Variants in DPYD observed in about 807,000 individuals in gnomAD.
The protein encoded by DPYD is dihydropyrimidine dehydrogenase [NADP(+)].
A neutral mutation model predicts 116.2 loss-of-function variants in DPYD; 109 were observed. The ratio of observed to expected loss-of-function variants is 0.94; its 90% confidence interval spans 0.80 to 1.10. The LOEUF is 1.10. Ranked by LOEUF, DPYD falls within the 50% of genes least tolerant of loss-of-function variation. The pLI, the probability that DPYD is intolerant of heterozygous loss-of-function variation, is 0.00. For synonymous variants in DPYD, 440 were observed against 432.0 expected, an observed-to-expected ratio of 1.02 and a Z score of -0.23; for missense variants, 1,302 against 1,254.5, an observed-to-expected ratio of 1.04 and a Z score of -0.57.
In DPYD at chr1:97,554,314, G is replaced by C. The variant is rs377616969; in HGVS notation, c.1340-4570C>G. Among the ~76,000 whole-genome samples, 4 of 151,984 alleles carry C rather than the reference G, an allele frequency of 2.6e-5. No homozygotes were observed. In the South Asian group the frequency reaches 6.2e-4, roughly 24 times the overall value. On this transcript the variant is annotated intron_variant, in intron 11 of 22. Coordinates refer to ENST00000370192, the MANE Select transcript of DPYD (RefSeq NM_000110.4). ...AAGATGTCAAGAATGTTATATTTTAGTACACAAATATAAATTAATTCTCCA... is the reference window on the plus strand; with the variant it reads ...AAGATGTCAAGAATGTTATATTTTACTACACAAATATAAATTAATTCTCCA...
In DPYD at chr1:97,193,230, T is replaced by C; in HGVS notation, c.2461A>G (p.Asn821Asp). ...SVLQVCSAIQ[N>D]QDFTVIEDYC... ...TCTTCGATCACAGTGAAATCCTGAT[T>C]CTGAATGGCACTGCATACCTAGAAA... is the stretch of plus-strand genomic sequence containing the variant. Residue 821 changes from asparagine to aspartate, a missense_variant, in exon 20 of 23, where the codon AAT becomes GAT. Transcript: ENST00000370192. The C allele has an allele frequency of 6.2e-7, 1 of 1,613,706 alleles. No individual in the cohort carries two copies. The highest frequency in any genetic ancestry group is 8.5e-7 in the Non-Finnish European group (1 of 1,179,846).
chr1:97,195,648 A>G (rs4949944), intron 19 of DPYD, among the ~76,000 whole-genome samples: 532 of 10,412 alleles, frequency 0.051, 36 homozygotes, highest in East Asian at 0.14. Flanking sequence ...ATATATATAT[A>G]TATATATATA....
At chr1:97,191,627 C>T (rs977412107) in intron 20 of DPYD, among the ~76,000 whole-genome samples, 2 of 152,012 alleles carry the variant, frequency 1.3e-5, no homozygotes, top group African/African-American at 2.4e-5. Context: ...AGTTTTGAAA[C>T]GAGTGTGAAA....
Position 97,696,901 on chromosome 1 carries a change from A to G in DPYD, c.680+2450T>C, listed in dbSNP as rs17117078. On this transcript the variant is annotated intron_variant, in intron 6 of 22. Transcript: ENST00000370192. Reference sequence around the variant, plus strand: ...TCATTTCTCTTTATTGTCAATCAACAAGAAAAACAATAGGCCTAATGAAAA... The same window carrying G: ...TCATTTCTCTTTATTGTCAATCAACGAGAAAAACAATAGGCCTAATGAAAA... Among the ~76,000 whole-genome samples the G allele has an allele frequency of 1.2e-3, 180 of 152,266 alleles. 2 individuals carry two copies. Among genetic ancestry groups the G allele is most frequent in the African/African-American group, 4.0e-3 (168 of 41,572 alleles).
intron 12 of DPYD, among the ~76,000 whole-genome samples, chr1:97,536,595 C>A (rs956730890): frequency 6.6e-6 from 1 of 152,158 alleles, no homozygotes; most frequent in African/African-American, 2.4e-5. Context: ...CATTTTTATT[C>A]TTTAAGTGCA....
intron 7 of DPYD, among the ~76,000 whole-genome samples, chr1:97,686,960 A>T (rs1245366173): frequency 6.6e-6 from 1 of 152,038 alleles, no homozygotes; most frequent in Non-Finnish European, 1.5e-5. Context: ...CAAGAAAAAA[A>T]CCAACCCCAT....
At chr1:97,727,500 T>C (rs61033129) in intron 4 of DPYD, among the ~76,000 whole-genome samples, 10,046 of 151,620 alleles carry the variant, frequency 0.066, 385 homozygotes, top group Middle Eastern at 0.11. Context: ...AAATATTGAA[T>C]AGATGATGTG....
At position 97,621,697 on chromosome 1, in the gene DPYD, C is replaced by A. The variant is rs371152571; in HGVS notation, c.851-26531G>T. Among the ~76,000 whole-genome samples the A allele has an allele frequency of 2.0e-5, 3 of 152,004 alleles. No individual in the cohort carries two copies. The East Asian group carries it at 5.8e-4, about 30-fold the overall frequency. Reference sequence around the variant, plus strand: ...AGATCTTGATTTCTAATACCATTATCCAATAAAAGAAATCAGGGCCCCCTT... The same window carrying A: ...AGATCTTGATTTCTAATACCATTATACAATAAAAGAAATCAGGGCCCCCTT... On this transcript the variant is annotated intron_variant, in intron 8 of 22. Transcript: ENST00000370192.
chr1:97,140,241 C>T (rs562255674), intron 20 of DPYD, among the ~76,000 whole-genome samples: 52 of 151,910 alleles, frequency 3.4e-4, no homozygotes, highest in Non-Finnish European at 7.2e-4. Flanking sequence ...GTGAGGGTTC[C>T]CTGATAGTAG....
chr1:97,263,947 T>C (rs1164059671), intron 18 of DPYD, among the ~76,000 whole-genome samples: 1 of 152,076 alleles, frequency 6.6e-6, no homozygotes, highest in Non-Finnish European at 1.5e-5. Flanking sequence ...TTTTAATATA[T>C]GTCAAGTACT....
chr1:97,911,720 T>C (rs150656939), intron 1 of DPYD, among the ~76,000 whole-genome samples: 16 of 152,218 alleles, frequency 1.1e-4, no homozygotes, highest in Non-Finnish European at 1.5e-4. Context: ...AGTGGTTTGT[T>C]CTTGGGGTGA....
intron 11 of DPYD, among the ~76,000 whole-genome samples, chr1:97,560,463 T>A (rs1317860244): frequency 1.3e-5 from 2 of 150,172 alleles, no homozygotes; most frequent in Admixed American, 1.3e-4. Flanking sequence ...GGCAAAGACA[T>A]AAGACAGTGT....
intron 16 of DPYD, among the ~76,000 whole-genome samples, chr1:97,332,856 G>T (rs1029241146): frequency 1.3e-5 from 2 of 152,112 alleles, no homozygotes; most frequent in African/African-American, 2.4e-5. Context: ...TGGTTGTAAA[G>T]AACATATTAA....
intron 5 of DPYD, among the ~76,000 whole-genome samples, chr1:97,699,986 T>C (rs898220698): frequency 4.6e-5 from 7 of 152,118 alleles, no homozygotes; most frequent in African/African-American, 1.7e-4. Flanking sequence ...TGGCACACGG[T>C]AGACATTTAA....
intron 2 of DPYD, among the ~76,000 whole-genome samples, chr1:97,871,800 T>C (rs551005915): frequency 6.6e-6 from 1 of 151,960 alleles, no homozygotes; most frequent in East Asian, 1.9e-4. Flanking sequence ...GGTTTTTCCA[T>C]ATACATTGTT....
At chr1:97,734,539 T>A (rs76465606) in intron 4 of DPYD, among the ~76,000 whole-genome samples, 1 of 152,154 alleles carries the variant, frequency 6.6e-6, no homozygotes, top group African/African-American at 2.4e-5. Flanking sequence ...TCCTACAAAA[T>A]CTCTGGGTTT....
intron 14 of DPYD, among the ~76,000 whole-genome samples, chr1:97,443,478 T>C (rs1020601705): frequency 1.3e-5 from 2 of 152,154 alleles, no homozygotes; most frequent in Non-Finnish European, 2.9e-5. Context: ...GTTTCCTAAT[T>C]TATTTAAAAT....
At chr1:97,119,754 C>T (rs1308439467) in intron 20 of DPYD, among the ~76,000 whole-genome samples, 2 of 152,158 alleles carry the variant, frequency 1.3e-5, no homozygotes, top group African/African-American at 4.8e-5. Context: ...GAAAACAAAA[C>T]CCTCTACCAC....
intron 13 of DPYD, among the ~76,000 whole-genome samples, chr1:97,486,555 C>T (rs1404701237): frequency 6.6e-6 from 1 of 152,092 alleles, no homozygotes; most frequent in Admixed American, 6.5e-5. Context: ...GAGACTGTTA[C>T]TCATTTCATA....
Sources: allele counts gnomAD v4.1 joint callset (sites outside exome capture counted in the v4.1 genomes callset), GRCh38; gene constraint gnomAD v4.1.1; transcripts MANE v1.5; gene names NCBI Gene and HGNC (gene_info 2026-07-23, HGNC 2026-07-21).